The following RIOK1 variants were observed in gnomAD, a reference collection of about 807,000 sequenced individuals.
RIOK1 encodes the protein RIO kinase 1, also known as serine/threonine-protein kinase RIO1.
In RIOK1, 66 loss-of-function variants were observed where a neutral mutation model predicts 73.5. That is an observed-to-expected ratio of 0.90 (90% CI 0.74 to 1.10). The LOEUF (loss-of-function observed/expected upper bound fraction) is 1.10. RIOK1 is among the 50% of genes least tolerant of loss of function. The probability of loss-of-function intolerance (pLI) is 0.00; values close to 1 mark genes in which losing one functional copy is unlikely to be tolerated. For missense variants in RIOK1, 658 were observed against 699.8 expected (o/e 0.94, Z 0.67); for synonymous variants, 224 against 226.8 (o/e 0.99, Z 0.11).
In RIOK1 at chr6:7,391,000, G is replaced by A. The variant is rs1761322314; in HGVS notation, c.71+927G>A. ...CAGATCCTAAAGATATGTCTTGGAG[G>A]TAGAAGTGGCAGCGTTTGGTGGTAG... On this transcript the variant is annotated intron_variant, in intron 1 of 16. Transcript: ENST00000379834. Among the ~76,000 whole-genome samples the A allele has an allele frequency of 2.6e-5, 4 of 152,210 alleles. No individual in the cohort carries two copies. In the South Asian group the frequency reaches 6.2e-4, roughly 24 times the overall value.
At chr6:7,416,098 C>T (rs1257390835) in intron 16 of RIOK1, among the ~76,000 whole-genome samples, 1 of 152,176 alleles carries the variant, frequency 6.6e-6, no homozygotes, top group Non-Finnish European at 1.5e-5. Flanking sequence ...CATAGAGACA[C>T]TGCTGACTGA....
At position 7,404,481 on chromosome 6, in the gene RIOK1, G is replaced by A; in HGVS notation, c.918G>A (p.Gln306=). The A allele has an allele frequency of 6.2e-7, 1 of 1,614,130 alleles. No homozygotes were observed. Among genetic ancestry groups the A allele is most frequent in the East Asian group, 2.2e-5 (1 of 44,878 alleles). The part of the protein sequence containing the change: ...SESKARELYL[Q]VIQYMRRMYQ... ...CCAAGGCTCGGGAGTTGTACCTGCA[G>A]GTCATTCAGTACATGAGAAGAATGT... Residue 306 remains glutamine (Q), a synonymous_variant, in exon 10 of 17, where the codon CAG becomes CAA. Transcript: ENST00000379834.
chr6:7,401,054 A>G lies in RIOK1; in HGVS notation c.573+4A>G, dbSNP rs1269006757. 7.1e-6 allele frequency: 11 copies of G among 1,552,286 alleles called. No individual in the cohort carries two copies. The highest frequency in any genetic ancestry group is 9.8e-6 in the Non-Finnish European group (11 of 1,127,512). ...CTGCATTAGCACAGGAAAAGAAGTGAGCTCTTCTTTGGATGATTGGATATT... is the reference window on the plus strand; with the variant it reads ...CTGCATTAGCACAGGAAAAGAAGTGGGCTCTTCTTTGGATGATTGGATATT... On this transcript the variant is annotated splice_donor_region_variant and intron_variant, in intron 6 of 16. Coordinates refer to ENST00000379834, the MANE Select transcript of RIOK1 (RefSeq NM_031480.3).
Position 7,403,916 on chromosome 6 carries a change from C to A in RIOK1, c.768-25C>A. The A allele has an allele frequency of 2.6e-6, 4 of 1,550,154 alleles. No homozygotes were observed. In the South Asian group the frequency reaches 3.4e-5, roughly 13 times the overall value. On this transcript the variant is annotated intron_variant, in intron 8 of 16. Transcript: ENST00000379834. ...GATGCCTTTTCAACTTTTCAGTTGT[C>A]CTTTTATTTGTTATAATATCACAGG...
At chr6:7,400,603 A>G (rs1257564026) in intron 5 of RIOK1, among the ~76,000 whole-genome samples, 2 of 152,184 alleles carry the variant, frequency 1.3e-5, no homozygotes, top group Non-Finnish European at 2.9e-5. Context: ...ATTTCACCTG[A>G]TTCTGTTTAC....
Position 7,393,323 on chromosome 6 carries a change from G to A in RIOK1, c.276+20G>A, listed in dbSNP as rs771157224. On this transcript the variant is annotated intron_variant, in intron 2 of 16. Coordinates refer to ENST00000379834, the MANE Select transcript of RIOK1 (RefSeq NM_031480.3). ...CCACAGGTATTTTATAAAGGATCCT[G>A]CACATCTTTATGTAGTCTGCTTATG... 2.0e-5 allele frequency: 32 copies of A among 1,604,618 alleles called. No individual in the cohort carries two copies. The highest frequency in any genetic ancestry group is 2.6e-5 in the Non-Finnish European group (31 of 1,171,552).
Position 7,396,708 on chromosome 6 carries a change from C to T in RIOK1, c.373C>T (p.Leu125=). ...GTGGGTTTCTTGTATTTTAGATAAG[C>T]TAAATGTTACTGATTCCGTCATAAA... ...KFENKINLDK[L]NVTDSVINKV... The change falls in exon 4 of 17, where the codon CTA becomes TTA. Residue 125 remains leucine, a synonymous_variant. Transcript: ENST00000379834. The T allele has an allele frequency of 6.3e-7, 1 of 1,594,224 alleles. No individual in the cohort carries two copies. Among genetic ancestry groups the T allele is most frequent in the East Asian group, 2.2e-5 (1 of 44,608 alleles).
chr6:7,392,187 A>G (rs1312381584), intron 1 of RIOK1, among the ~76,000 whole-genome samples: 2 of 151,070 alleles, frequency 1.3e-5, no homozygotes, highest in Admixed American at 1.3e-4. Flanking sequence ...ATCCAGACTT[A>G]CAGCTTCACT....
At chr6:7,402,555 G>T in intron 6 of RIOK1, 48 bp from the exon 7 acceptor site, 1 of 1,361,748 alleles carries the variant, frequency 7.3e-7, no homozygotes, top group South Asian at 1.3e-5. Context: ...TTGAAAAAGT[G>T]GTTATTTAAC....
intron 16 of RIOK1, among the ~76,000 whole-genome samples, chr6:7,416,368 G>T (rs983481833): frequency 2.6e-5 from 4 of 152,236 alleles, no homozygotes; most frequent in Non-Finnish European, 5.9e-5. Context: ...AGGAAGCTCA[G>T]CTGGGCGCGG....
At chr6:7,391,266 C>T (rs1158208476) in intron 1 of RIOK1, among the ~76,000 whole-genome samples, 1 of 152,036 alleles carries the variant, frequency 6.6e-6, no homozygotes, top group African/African-American at 2.4e-5. Context: ...TGGTAAATAC[C>T]ATCCTGAATG....
intron 15 of RIOK1, among the ~76,000 whole-genome samples, chr6:7,413,678 CTTG>C (rs1378803788): frequency 1.3e-5 from 2 of 152,122 alleles, no homozygotes; most frequent in East Asian, 3.9e-4. Context: ...GCTAGAAAAT[CTTG>C]TTGTACAATT....
At chr6:7,416,519 G>A (rs1413226380) in intron 16 of RIOK1, among the ~76,000 whole-genome samples, 1 of 152,060 alleles carries the variant, frequency 6.6e-6, no homozygotes, top group Admixed American at 6.6e-5. Flanking sequence ...GTGGTGGCAG[G>A]CGCCTGTAGT....
Position 7,410,438 on chromosome 6 carries a change from A to T in RIOK1, c.1256A>T (p.His419Leu). The T allele has an allele frequency of 6.2e-7, 1 of 1,610,098 alleles. No individual in the cohort carries two copies. Among genetic ancestry groups the T allele is most frequent in the Non-Finnish European group, 8.5e-7 (1 of 1,176,582 alleles). The change falls in exon 13 of 17, where the codon CAT (histidine) becomes CTT (leucine). Residue 419 changes from histidine to leucine, a missense_variant. Coordinates refer to ENST00000379834, the MANE Select transcript of RIOK1 (RefSeq NM_031480.3). Reference sequence around the variant, plus strand: ...AAGGAAGAACGGTCTAGCCAAGATCATGTGGATGAAGAGGTAGGATTTATT... The same window carrying T: ...AAGGAAGAACGGTCTAGCCAAGATCTTGTGGATGAAGAGGTAGGATTTATT... ...RTKEERSSQD[H>L]VDEEVFKRAY...
intron 12 of RIOK1, among the ~76,000 whole-genome samples, chr6:7,406,663 T>A (rs752193305): frequency 1.3e-5 from 2 of 152,194 alleles, no homozygotes; most frequent in Non-Finnish European, 2.9e-5. Flanking sequence ...ACAGGATATC[T>A]TTTTCTTTTT....
At position 7,405,314 on chromosome 6, in the gene RIOK1, C is replaced by G. The variant is rs747925987; in HGVS notation, c.1162C>G (p.Pro388Ala). ...VRELFEFVTDPSITHENMDAY... is the reference protein window; with the variant it reads ...VRELFEFVTDASITHENMDAY... The stretch of plus-strand genomic sequence containing the variant: ...GGAGCTCTTTGAATTTGTCACAGAT[C>G]CATCCATTACACATGAGAACATGGA... Residue 388 changes from proline (P) to alanine (A), a missense_variant, in exon 12 of 17, where the codon CCA becomes GCA. Coordinates refer to ENST00000379834, the MANE Select transcript of RIOK1 (RefSeq NM_031480.3). 1 of 1,612,364 alleles carries G rather than the reference C, an allele frequency of 6.2e-7. No individual in the cohort carries two copies. The highest frequency in any genetic ancestry group is 1.1e-5 in the South Asian group (1 of 91,052).
intron 1 of RIOK1, 63 bp downstream of exon 1, chr6:7,390,136 T>C (rs2296358): frequency 0.93 from 1,291,261 of 1,395,958 alleles, 598,596 homozygotes; most frequent in South Asian, 0.96. Context: ...CCCCTTGGGG[T>C]GTGGACTCTT....
intron 16 of RIOK1, among the ~76,000 whole-genome samples, chr6:7,416,541 G>C (rs1427813455): frequency 6.6e-6 from 1 of 152,028 alleles, no homozygotes; most frequent in African/African-American, 2.4e-5. Context: ...CCAGCTCCTT[G>C]GGAGGCTGAG....
chr6:7,410,898 CTA>C (rs766149726), intron 13 of RIOK1, among the ~76,000 whole-genome samples: 1 of 152,144 alleles, frequency 6.6e-6, no homozygotes, highest in Non-Finnish European at 1.5e-5. Flanking sequence ...TAATGGTTGA[CTA>C]TGAGGTGCCC....
Sources: allele counts gnomAD v4.1 joint callset (sites outside exome capture counted in the v4.1 genomes callset), GRCh38; gene constraint gnomAD v4.1.1; transcripts MANE v1.5; gene names NCBI Gene and HGNC (gene_info 2026-07-23, HGNC 2026-07-21).